The following MACROD2 variants were observed in gnomAD, a reference collection of about 807,000 sequenced individuals.
MACROD2 encodes ADP-ribose glycohydrolase MACROD2.
In MACROD2, 36 loss-of-function variants were observed where a neutral mutation model predicts 70.4. That is an observed-to-expected ratio of 0.51 (90% confidence interval 0.39 to 0.68). The LOEUF is 0.68. MACROD2 is among the 30% of genes least tolerant of loss of function. The pLI is 0.00. For missense variants in MACROD2, 496 were observed against 538.4 expected (o/e 0.92, Z 0.78); for synonymous variants, 172 against 178.8 (o/e 0.96, Z 0.30).
At chr20:14,091,606 CAAT>C (rs1276301586) in intron 3 of MACROD2, among the ~76,000 whole-genome samples, 3 of 151,948 alleles carry the variant, frequency 2.0e-5, no homozygotes, top group Non-Finnish European at 4.4e-5. Flanking sequence ...TAAACGTATA[CAAT>C]GATTGGTCAA....
At chr20:15,815,649 A>AT (rs2063865989) in intron 8 of MACROD2, among the ~76,000 whole-genome samples, 1 of 152,162 alleles carries the variant, frequency 6.6e-6, no homozygotes, top group South Asian at 2.1e-4. Flanking sequence ...AAGTTTTGAA[A>AT]TTTTTTACTA....
chr20:14,159,835 T>G (rs551459001), intron 3 of MACROD2, among the ~76,000 whole-genome samples: 2 of 152,182 alleles, frequency 1.3e-5, no homozygotes, highest in Non-Finnish European at 2.9e-5. Context: ...GTTTTCCTCA[T>G]TGAGTATAAT....
At position 15,804,239 on chromosome 20, in the gene MACROD2, G is replaced by A. The variant is rs151051746; in HGVS notation, c.646-58506G>A. 1.6e-3 allele frequency among the ~76,000 whole-genome samples: 246 copies of A among 152,310 alleles called. 1 individual carries two copies. Among genetic ancestry groups the A allele is most frequent in the Middle Eastern group, 0.014 (4 of 294 alleles). Reference sequence around the variant, plus strand: ...GAGCTGTGCTGTGACAACATCTTTGGATGGTTTTTTAAATTGTAGAGTCCT... The same window carrying A: ...GAGCTGTGCTGTGACAACATCTTTGAATGGTTTTTTAAATTGTAGAGTCCT... On this transcript the variant is annotated intron_variant, in intron 8 of 17. Transcript: ENST00000684519.
intron 3 of MACROD2, among the ~76,000 whole-genome samples, chr20:14,338,363 A>G (rs775195276): frequency 2.0e-5 from 3 of 152,154 alleles, no homozygotes; most frequent in Non-Finnish European, 4.4e-5. Context: ...ACGAAACTCC[A>G]TCTCCAATAT....
At chr20:15,535,618 T>C (rs2047863964) in intron 8 of MACROD2, among the ~76,000 whole-genome samples, 1 of 152,144 alleles carries the variant, frequency 6.6e-6, no homozygotes, top group African/African-American at 2.4e-5. Flanking sequence ...TCACGAAGAA[T>C]CCTTAAACAG....
intron 6 of MACROD2, among the ~76,000 whole-genome samples, chr20:15,311,934 A>G (rs866642621): frequency 1.3e-5 from 2 of 152,306 alleles, no homozygotes; most frequent in Non-Finnish European, 1.5e-5. Flanking sequence ...AATCTAAAAT[A>G]AAAGTTGAAA....
At chr20:14,512,378 AC>A (rs1397109040) in intron 4 of MACROD2, among the ~76,000 whole-genome samples, 8 of 152,112 alleles carry the variant, frequency 5.3e-5, no homozygotes, top group African/African-American at 1.7e-4. Context: ...TGTGCAGCTA[AC>A]AACCAAGGCT....
chr20:15,830,727 C>T (rs1421183343), intron 8 of MACROD2, among the ~76,000 whole-genome samples: 1 of 152,164 alleles, frequency 6.6e-6, no homozygotes, highest in Non-Finnish European at 1.5e-5. Context: ...ATTCTCTAAA[C>T]TTCTGTTTTT....
At chr20:14,865,074 C>A (rs532225258) in intron 5 of MACROD2, among the ~76,000 whole-genome samples, 1 of 152,208 alleles carries the variant, frequency 6.6e-6, no homozygotes, top group East Asian at 1.9e-4. Context: ...TGTCTTTCCC[C>A]TACTATGCTG....
At position 14,119,359 on chromosome 20, in the gene MACROD2, G is replaced by C. The variant is rs568473185; in HGVS notation, c.271+33631G>C. On this transcript the variant is annotated intron_variant, in intron 3 of 17. Transcript: ENST00000684519. ...ATTTTTTATATTTTTAGTAGAGATAGGGTTTCACCCCATTGGCCAGGCTGG... is the reference window on the plus strand; with the variant it reads ...ATTTTTTATATTTTTAGTAGAGATACGGTTTCACCCCATTGGCCAGGCTGG... Among the ~76,000 whole-genome samples the C allele has an allele frequency of 2.0e-5, 3 of 150,980 alleles. 1 individual carries two copies. The South Asian group carries it at 6.3e-4, about 32-fold the overall frequency.
At chr20:15,839,719 G>A (rs6079983) in intron 8 of MACROD2, among the ~76,000 whole-genome samples, 123,851 of 152,134 alleles carry the variant, frequency 0.81, 50,854 homozygotes, top group African/African-American at 0.92. Flanking sequence ...TATTTGAGGG[G>A]CTGCTTTGGA....
chr20:14,361,013 CATA>C (rs1175701080), intron 3 of MACROD2, among the ~76,000 whole-genome samples: 1 of 152,148 alleles, frequency 6.6e-6, no homozygotes, highest in African/African-American at 2.4e-5. Flanking sequence ...TGTCAAAGAC[CATA>C]ATAATACTGA....
intron 2 of MACROD2, among the ~76,000 whole-genome samples, chr20:14,076,899 C>T (rs1156243460): frequency 6.6e-6 from 1 of 152,158 alleles, no homozygotes; most frequent in African/African-American, 2.4e-5. Context: ...CTAAGAACCA[C>T]TGTACAAGTA....
chr20:15,438,680 C>T (rs915583933), intron 7 of MACROD2, among the ~76,000 whole-genome samples: 2 of 152,110 alleles, frequency 1.3e-5, no homozygotes, highest in Non-Finnish European at 2.9e-5. Context: ...TCATGTTGCT[C>T]CATAGATTGC....
intron 6 of MACROD2, among the ~76,000 whole-genome samples, chr20:15,308,431 C>T (rs1302159070): frequency 1.3e-5 from 2 of 151,986 alleles, no homozygotes; most frequent in Admixed American, 6.6e-5. Context: ...TTTGCAAGGT[C>T]TAATTATGGA....
intron 8 of MACROD2, among the ~76,000 whole-genome samples, chr20:15,533,553 C>G (rs760836583): frequency 1.1e-4 from 8 of 73,246 alleles, no homozygotes; most frequent in Non-Finnish European, 2.0e-4. Context: ...CGCTCTCTCT[C>G]TCTCTCTCTC....
chr20:15,401,319 T>A (rs945866210), intron 6 of MACROD2, among the ~76,000 whole-genome samples: 2 of 152,194 alleles, frequency 1.3e-5, no homozygotes, highest in African/African-American at 4.8e-5. Context: ...ATTACAGGCG[T>A]GAGCCACCAC....
At chr20:15,417,760 C>T (rs917464884) in intron 6 of MACROD2, among the ~76,000 whole-genome samples, 2 of 151,868 alleles carry the variant, frequency 1.3e-5, no homozygotes, top group Non-Finnish European at 2.9e-5. Context: ...GTTAGGCCCT[C>T]CAGGTGATTC....
chr20:15,626,087 A>T (rs937400892), intron 8 of MACROD2, among the ~76,000 whole-genome samples: 1 of 152,110 alleles, frequency 6.6e-6, no homozygotes, highest in African/African-American at 2.4e-5. Flanking sequence ...CATTAACCAT[A>T]CAGATGAAGG....
Sources: gnomAD v4.1 joint callset for allele counts (sites outside exome capture counted in the v4.1 genomes callset) on GRCh38, gnomAD v4.1.1 for gene constraint, MANE v1.5 for transcripts, NCBI Gene and HGNC (gene_info 2026-07-23, HGNC 2026-07-21) for gene names.